The following MCF2 variants were observed in gnomAD, a reference collection of about 807,000 sequenced individuals.
MCF2 encodes the protein MCF.2 cell line derived transforming sequence, also known as proto-oncogene DBL.
MCF2 carries 44 observed loss-of-function variants against 82.5 expected under a neutral mutation model. The ratio of observed to expected loss-of-function variants is 0.53; its 90% CI spans 0.42 to 0.69. The LOEUF is 0.69. Ranked by LOEUF, MCF2 falls within the 30% of genes least tolerant of loss-of-function variation. The pLI, the probability that MCF2 is intolerant of heterozygous loss-of-function variation, is 0.00. For missense variants in MCF2, 623 were observed against 663.1 expected, an observed-to-expected ratio of 0.94 and a Z score of 0.66; for synonymous variants, 217 against 224.9, an observed-to-expected ratio of 0.96 and a Z score of 0.32.
chrX:139,604,417 A>AC (rs1330416359), intron 15 of MCF2, among the ~76,000 whole-genome samples: 1 of 110,476 alleles, frequency 9.1e-6, no homozygotes, highest in East Asian at 2.8e-4. Flanking sequence ...TACTAGGATT[A>AC]CCCAGGAGTC....
At chrX:139,626,477 C>T (rs1932763600) in intron 5 of MCF2, 146 bp downstream of exon 8, 1 of 675,669 alleles carries the variant, frequency 1.5e-6, no homozygotes, top group Non-Finnish European at 2.3e-6. Context: ...CAAGCAAAAT[C>T]ATCTCTGTAG....
intron 13 of MCF2, 61 bp downstream of exon 17, chrX:139,605,652 A>G: frequency 9.8e-7 from 1 of 1,016,892 alleles, no homozygotes; most frequent in South Asian, 2.2e-5. Context: ...AACACTTTCT[A>G]ATGAATGTAG....
intron 6 of MCF2, among the ~76,000 whole-genome samples, chrX:139,619,962 G>A (rs1216095202): frequency 9.4e-6 from 1 of 106,617 alleles, no homozygotes; most frequent in Non-Finnish European, 1.9e-5. Context: ...TTGCATAAAT[G>A]TATACGTGTG....
chrX:139,706,630 C>T (rs918150344), intron 1 of MCF2, among the ~76,000 whole-genome samples: 4 of 109,098 alleles, frequency 3.7e-5, no homozygotes, highest in African/African-American at 1.3e-4. Flanking sequence ...ACCAGGATGA[C>T]AGGATCTGTA....
intron 12 of MCF2, among the ~76,000 whole-genome samples, chrX:139,606,356 A>G (rs1166469209): frequency 9.1e-6 from 1 of 110,040 alleles, no homozygotes; most frequent in Non-Finnish European, 1.9e-5. Flanking sequence ...TATTTCCGTA[A>G]TGTATATAAA....
rs918674470 is a variant in MCF2 at position 139,678,084 on chromosome X, G to A, written c.-44-26296C>T. Reference sequence around the variant, plus strand: ...AGGCTGAGGTGGAAGGATCGCTTGAGCCCAGGAGGTCGAGGCTGCAGTGAG... The same window carrying A: ...AGGCTGAGGTGGAAGGATCGCTTGAACCCAGGAGGTCGAGGCTGCAGTGAG... On this transcript the variant is annotated intron_variant, in intron 1 of 27. Coordinates refer to the MCF2 transcript ENST00000414978. Among the ~76,000 whole-genome samples, 5 of 111,655 alleles carry A rather than the reference G, an allele frequency of 4.5e-5. No individual in the cohort carries two copies. The East Asian group carries it at 1.4e-3, about 32-fold the overall frequency.
At chrX:139,650,820 G>A (rs1200489642) in intron 2 of MCF2, among the ~76,000 whole-genome samples, 1 of 111,613 alleles carries the variant, frequency 9.0e-6, no homozygotes, top group African/African-American at 3.3e-5. Flanking sequence ...AACAAAGTGT[G>A]GAATATACAT....
At chrX:139,620,953 G>A (rs1932305643) in intron 6 of MCF2, among the ~76,000 whole-genome samples, 1 of 111,067 alleles carries the variant, frequency 9.0e-6, no homozygotes, top group Non-Finnish European at 1.9e-5. Context: ...CATATTACCC[G>A]ACATCAAACT....
chrX:139,616,261 T>G (rs1931881593), intron 9 of MCF2, 21 bp downstream of exon 12: 1 of 967,778 alleles, frequency 1.0e-6, no homozygotes, highest in Non-Finnish European at 1.4e-6. Context: ...AATATTTATT[T>G]GAAAATAAAA....
intron 6 of MCF2, among the ~76,000 whole-genome samples, chrX:139,624,069 T>C (rs1569364959): frequency 9.0e-6 from 1 of 111,317 alleles, no homozygotes; most frequent in African/African-American, 3.3e-5. Context: ...ACACCCTGAA[T>C]AGGTAATCAG....
At chrX:139,599,305 C>T (rs1404759112) in intron 16 of MCF2, among the ~76,000 whole-genome samples, 1 of 107,318 alleles carries the variant, frequency 9.3e-6, no homozygotes, top group East Asian at 3.0e-4. Flanking sequence ...TTGATACATG[C>T]GTTTAGATCT....
rs770849942 is a variant in MCF2 at position 139,626,600 on chromosome X, T to C, written c.572+23A>G. 5.9e-6 allele frequency: 7 copies of C among 1,187,105 alleles called. No individual in the cohort carries two copies. The African/African-American group carries it at 1.1e-4, about 18-fold the overall frequency. ...TTCAAAAATATAAAATAAGTAACTC[T>C]AAACCAAAAAGAGAGTACTCACTTA... On this transcript the variant is annotated intron_variant, in intron 5 of 24. Transcript: ENST00000370576.
At position 139,674,816 on chromosome X, in the gene MCF2, T is replaced by G. The variant is rs890784445; in HGVS notation, c.-44-23028A>C. ...ACTATGTGTCTTGGGGTTGCTCTTCTTGAGGATTATCTTTGTGGTGTTCTC... is the reference window on the plus strand; with the variant it reads ...ACTATGTGTCTTGGGGTTGCTCTTCGTGAGGATTATCTTTGTGGTGTTCTC... On this transcript the variant is annotated intron_variant, in intron 1 of 27. Transcript: ENST00000414978. 2.7e-5 allele frequency among the ~76,000 whole-genome samples: 3 copies of G among 111,795 alleles called. No homozygotes were observed. The Admixed American group carries it at 2.8e-4, about 11-fold the overall frequency.
At chrX:139,627,550 T>C (rs1245794430) in intron 4 of MCF2, among the ~76,000 whole-genome samples, 1 of 111,563 alleles carries the variant, frequency 9.0e-6, no homozygotes, top group Non-Finnish European at 1.9e-5. Context: ...GGTCCAAGAG[T>C]CCCTTGAAAT....
chrX:139,582,692 T>C (rs1928581028), intron 24 of MCF2, among the ~76,000 whole-genome samples, 189 bp from the exon 29 acceptor site: 1 of 111,897 alleles, frequency 8.9e-6, no homozygotes, highest in African/African-American at 3.2e-5. Context: ...GAGAAACTAA[T>C]AGGTTTTTCT....
At chrX:139,691,813 TG>T in intron 1 of MCF2, 1 of 675,479 alleles carries the variant, frequency 1.5e-6, no homozygotes, top group Non-Finnish European at 2.3e-6. Context: ...GGGTGTGGAC[TG>T]GAAAATAAAG....
upstream of MCF2, among the ~76,000 whole-genome samples, chrX:139,646,513 T>C (rs1331390560): frequency 8.9e-6 from 1 of 111,800 alleles, no homozygotes; most frequent in Non-Finnish European, 1.9e-5. Flanking sequence ...AAAGCATATA[T>C]GTATGACCAT....
chrX:139,657,730 C>T (rs1934236730), intron 1 of MCF2, among the ~76,000 whole-genome samples: 1 of 111,776 alleles, frequency 8.9e-6, no homozygotes, highest in African/African-American at 3.3e-5. Flanking sequence ...TTTCTCAAAC[C>T]TATTGATCAG....
chrX:139,637,132 A>G (rs966019050), intron 1 of MCF2, among the ~76,000 whole-genome samples: 1 of 111,848 alleles, frequency 8.9e-6, no homozygotes, highest in South Asian at 3.7e-4. Context: ...GTACAATTTT[A>G]TAATCTTTTT....
Sources: gnomAD v4.1 joint callset for allele counts (sites outside exome capture counted in the v4.1 genomes callset) on GRCh38, gnomAD v4.1.1 for gene constraint, MANE v1.5 for transcripts, NCBI Gene and HGNC (gene_info 2026-07-23, HGNC 2026-07-21) for gene names.